Variants in RSPH6A observed in about 807,000 individuals in gnomAD.
RSPH6A encodes radial spoke head 6 homolog A.
Under a neutral mutation model 66.1 loss-of-function variants are expected in RSPH6A, and 49 were observed. The ratio of observed to expected loss-of-function variants is 0.74; its 90% CI spans 0.59 to 0.94. The LOEUF is 0.94. Ranked by LOEUF, RSPH6A falls within the 40% of genes least tolerant of loss-of-function variation. RSPH6A has a pLI of 0.00. For missense variants in RSPH6A, 977 were observed against 948.3 expected, an observed-to-expected ratio of 1.03 and a Z score of -0.40; for synonymous variants, 419 against 402.4, an observed-to-expected ratio of 1.04 and a Z score of -0.49.
chr19:45,803,824 C>G (rs911544569), intron 3 of RSPH6A, among the ~76,000 whole-genome samples: 4 of 151,494 alleles, frequency 2.6e-5, no homozygotes, highest in Non-Finnish European at 5.9e-5. Flanking sequence ...GAAACCTCAT[C>G]TCTACTAAAA....
intron 2 of RSPH6A, among the ~76,000 whole-genome samples, chr19:45,808,256 G>A (rs1276110364): frequency 1.3e-5 from 2 of 152,154 alleles, no homozygotes; most frequent in African/African-American, 4.8e-5. Context: ...GCAAAATCCT[G>A]TCTCTACTAA....
At chr19:45,803,764 A>G (rs1318758086) in intron 3 of RSPH6A, among the ~76,000 whole-genome samples, 2 of 151,680 alleles carry the variant, frequency 1.3e-5, no homozygotes, top group Non-Finnish European at 2.9e-5. Context: ...AGGCCAAGGT[A>G]GGCAGATTGT....
chr19:45,801,066 G>A (rs1316220930), intron 4 of RSPH6A, among the ~76,000 whole-genome samples: 2 of 152,162 alleles, frequency 1.3e-5, no homozygotes, highest in African/African-American at 4.8e-5. Flanking sequence ...CCAAAGTGCT[G>A]GGATTACAGG....
Position 45,803,210 on chromosome 19 carries a change from G to GAA in RSPH6A, c.1654-948_1654-947dup, listed in dbSNP as rs537694212. ...GGCAATAGAGCGAGACTCCGTCTCA[G>GAA]AAAAAAAAAAAAAAAAAGCCAGGCA... On this transcript the variant is annotated intron_variant, in intron 3 of 5. Transcript: ENST00000221538. Among the ~76,000 whole-genome samples, 193 of 104,060 alleles carry GAA rather than the reference G, an allele frequency of 1.9e-3. 1 individual carries two copies. Among genetic ancestry groups the GAA allele is most frequent in the African/African-American group, 4.7e-3 (126 of 26,756 alleles). The allele number at this position is 104,060 out of a possible 152,430, so 68.3% of individuals were successfully genotyped here. A position where few individuals can be genotyped will look rare whatever the true frequency, so the allele number is the denominator to read the frequency against.
chr19:45,795,840 G>A lies in RSPH6A; in HGVS notation c.*29C>T, dbSNP rs370576871. 1.8e-5 allele frequency: 28 copies of A among 1,575,892 alleles called. No individual in the cohort carries two copies. The highest frequency in any genetic ancestry group is 2.3e-5 in the Non-Finnish European group (27 of 1,158,380). On this transcript the variant is annotated 3_prime_UTR_variant, in exon 6 of 6. Transcript: ENST00000221538. Reference sequence around the variant, plus strand: ...CTAAGGGGAAATTTGCTATCTACCTGCTTGGGGAAAGTGGCTAGAGGGTGG... The same window carrying A: ...CTAAGGGGAAATTTGCTATCTACCTACTTGGGGAAAGTGGCTAGAGGGTGG...
At position 45,814,815 on chromosome 19, in the gene RSPH6A, T is replaced by G. The variant is rs1244584342; in HGVS notation, c.362A>C (p.Gln121Pro). The G allele has an allele frequency of 6.2e-7, 1 of 1,614,016 alleles. No individual in the cohort carries two copies. ...VAELTTSLML[Q>P]RLQQGQSSLF... ...GCTGCTTTGGCCCTGCTGGAGCCGCTGCAGCATTAGGCTGGTGGTGAGCTC... is the reference window on the plus strand; with the variant it reads ...GCTGCTTTGGCCCTGCTGGAGCCGCGGCAGCATTAGGCTGGTGGTGAGCTC... Residue 121 changes from glutamine (Q) to proline (P), a missense_variant, in exon 1 of 6, where the codon CAG becomes CCG. Physicochemically the swap from Gln to Pro is moderately conservative, Grantham distance 76. Coordinates refer to ENST00000221538, the MANE Select transcript of RSPH6A (RefSeq NM_030785.4).
At chr19:45,814,487 C>T in intron 1 of RSPH6A, 40 bp downstream of exon 1, 2 of 1,445,330 alleles carry the variant, frequency 1.4e-6, no homozygotes, top group Non-Finnish European at 1.8e-6. Flanking sequence ...CCCCTCCCTG[C>T]CTGGGTCCCC....
At chr19:45,805,837 G>C (rs1280425503) in intron 2 of RSPH6A, among the ~76,000 whole-genome samples, 1 of 152,216 alleles carries the variant, frequency 6.6e-6, no homozygotes, top group Non-Finnish European at 1.5e-5. Context: ...ACCACACTAG[G>C]AGAAAATTTT....
chr19:45,810,232 T>G (rs1260970738), intron 2 of RSPH6A, among the ~76,000 whole-genome samples: 1 of 62,486 alleles, frequency 1.6e-5, no homozygotes, highest in Admixed American at 1.6e-4. Context: ...TGCAGTGGTG[T>G]GATCTCGGCT....
intron 2 of RSPH6A, 29 bp downstream of exon 2, chr19:45,810,574 T>C (rs775820800): frequency 1.9e-6 from 3 of 1,602,684 alleles, no homozygotes; most frequent in Non-Finnish European, 2.6e-6. Context: ...CTGACCCTGA[T>C]GCCCACCTCT....
intron 1 of RSPH6A, among the ~76,000 whole-genome samples, chr19:45,811,743 G>GTATTATTATTAT (rs59665443): frequency 8.4e-6 from 1 of 118,488 alleles, no homozygotes; most frequent in African/African-American, 3.0e-5. Flanking sequence ...GCCAACATTT[G>GTATTATTATTAT]TATTATTATT....
intron 1 of RSPH6A, among the ~76,000 whole-genome samples, chr19:45,812,045 T>A (rs1970637021): frequency 6.6e-6 from 1 of 151,480 alleles, no homozygotes; most frequent in Non-Finnish European, 1.5e-5. Context: ...CCTCCTAAAG[T>A]GCTGGGTTAA....
chr19:45,801,144 C>T (rs2146282492), intron 4 of RSPH6A, among the ~76,000 whole-genome samples: 1 of 152,282 alleles, frequency 6.6e-6, no homozygotes, highest in Non-Finnish European at 1.5e-5. Context: ...GTTCACCTGT[C>T]TGAGCCTCAG....
chr19:45,796,815 A>G (rs560000879), intron 5 of RSPH6A, among the ~76,000 whole-genome samples: 2 of 151,900 alleles, frequency 1.3e-5, no homozygotes, highest in South Asian at 4.2e-4. Context: ...GCCTGGCCTA[A>G]TTTTTGTATT....
intron 4 of RSPH6A, 83 bp from the exon 5 acceptor site, chr19:45,800,646 A>C (rs1480646465): frequency 8.2e-7 from 1 of 1,219,166 alleles, no homozygotes; most frequent in African/African-American, 1.5e-5. Flanking sequence ...GAAGGAAGGC[A>C]GCAGTGAGGG....
At chr19:45,806,201 C>A (rs1970540896) in intron 2 of RSPH6A, among the ~76,000 whole-genome samples, 1 of 152,134 alleles carries the variant, frequency 6.6e-6, no homozygotes, top group African/African-American at 2.4e-5. Context: ...TAAGTCCTGT[C>A]TTCACTGCCT....
intron 2 of RSPH6A, among the ~76,000 whole-genome samples, 186 bp downstream of exon 2, chr19:45,810,417 A>C (rs1970608467): frequency 6.6e-6 from 1 of 152,004 alleles, no homozygotes; most frequent in South Asian, 2.1e-4. Context: ...TGATCTGCCC[A>C]CCTCGGCCTC....
At chr19:45,805,716 AAAG>A (rs1970535681) in intron 2 of RSPH6A, among the ~76,000 whole-genome samples, 1 of 152,024 alleles carries the variant, frequency 6.6e-6, no homozygotes, top group South Asian at 2.1e-4. Context: ...AGAAAGAAAG[AAAG>A]AAACCTAAAA....
chr19:45,800,959 G>A (rs1346870420), intron 4 of RSPH6A, among the ~76,000 whole-genome samples: 2 of 151,862 alleles, frequency 1.3e-5, no homozygotes, highest in African/African-American at 2.4e-5. Flanking sequence ...CACCACGCCC[G>A]GCTAATTTTT....
Sources: allele counts gnomAD v4.1 joint callset (sites outside exome capture counted in the v4.1 genomes callset), GRCh38; gene constraint gnomAD v4.1.1; transcripts MANE v1.5; gene names NCBI Gene and HGNC (gene_info 2026-07-23, HGNC 2026-07-21).